Variants in WASF3 observed in about 807,000 individuals in gnomAD.
WASF3 encodes the protein actin-binding protein WASF3.
In WASF3, 11 loss-of-function variants were observed where a neutral mutation model predicts 46.6. That is an observed-to-expected ratio of 0.24 (90% CI 0.15 to 0.39). The LOEUF (loss-of-function observed/expected upper bound fraction) is 0.39, where lower values mean the gene tolerates loss of function less well. Ranked by LOEUF, WASF3 falls within the 10% of genes least tolerant of loss-of-function variation. The probability of loss-of-function intolerance (pLI) is 1.00; values close to 1 mark genes in which losing one functional copy is unlikely to be tolerated. For synonymous variants in WASF3, 242 were observed against 259.7 expected (o/e 0.93, Z 0.65); for missense variants, 576 against 669.8 (o/e 0.86, Z 1.55).
chr13:26,579,513 T>C (rs1879914850), intron 1 of WASF3, among the ~76,000 whole-genome samples: 1 of 152,156 alleles, frequency 6.6e-6, no homozygotes, highest in Non-Finnish European at 1.5e-5. Flanking sequence ...TGGCATTCTT[T>C]TACTGAAAAG....
intron 3 of WASF3, among the ~76,000 whole-genome samples, chr13:26,664,240 A>G (rs1263339286): frequency 6.6e-6 from 1 of 152,228 alleles, no homozygotes; most frequent in East Asian, 1.9e-4. Context: ...GAAAATAAAA[A>G]GAAGTGGTAG....
chr13:26,607,892 T>A (rs1880849786), intron 1 of WASF3, among the ~76,000 whole-genome samples: 1 of 152,156 alleles, frequency 6.6e-6, no homozygotes, highest in South Asian at 2.1e-4. Flanking sequence ...TACCTAGGCC[T>A]CTCAAAATGC....
intron 3 of WASF3, among the ~76,000 whole-genome samples, 195 bp from the exon 4 acceptor site, chr13:26,664,833 A>G (rs945424684): frequency 6.6e-6 from 1 of 152,272 alleles, no homozygotes; most frequent in Admixed American, 6.5e-5. Context: ...TACAACATTG[A>G]GTCAGTTTCA....
At chr13:26,683,175 A>G (rs1002098183) in intron 9 of WASF3, among the ~76,000 whole-genome samples, 2 of 152,198 alleles carry the variant, frequency 1.3e-5, no homozygotes, top group Non-Finnish European at 2.9e-5. Context: ...AAATTGTGAT[A>G]AAGATTGGGA....
At chr13:26,634,385 C>T (rs1190337452) in intron 2 of WASF3, among the ~76,000 whole-genome samples, 3 of 152,186 alleles carry the variant, frequency 2.0e-5, no homozygotes, top group Non-Finnish European at 2.9e-5. Context: ...TGTGTCTCTG[C>T]ACGTGAGATG....
At chr13:26,603,074 A>C (rs1449054604) in intron 1 of WASF3, among the ~76,000 whole-genome samples, 3 of 152,194 alleles carry the variant, frequency 2.0e-5, no homozygotes, top group African/African-American at 7.2e-5. Context: ...GGGAGGTAAG[A>C]GTAACTGCTG....
intron 2 of WASF3, among the ~76,000 whole-genome samples, chr13:26,625,905 A>G (rs1319330977): frequency 6.6e-6 from 1 of 152,346 alleles, no homozygotes; most frequent in Non-Finnish European, 1.5e-5. Flanking sequence ...AAAAACGTAA[A>G]AAGAATAAAA....
chr13:26,617,828 G>C (rs898638902), intron 2 of WASF3, among the ~76,000 whole-genome samples: 1 of 152,060 alleles, frequency 6.6e-6, no homozygotes, highest in African/African-American at 2.4e-5. Context: ...TTGAATCATG[G>C]GGGCAGTCTC....
the WASF3 span, among the ~76,000 whole-genome samples, chr13:26,540,085 G>T: frequency 6.6e-6 from 1 of 152,132 alleles, no homozygotes; most frequent in African/African-American, 2.4e-5. Context: ...CAGACAGGAA[G>T]ATCCTAAGCC....
intron 1 of WASF3, among the ~76,000 whole-genome samples, chr13:26,564,452 T>C (rs1325144056): frequency 6.6e-6 from 1 of 152,264 alleles, no homozygotes; most frequent in East Asian, 1.9e-4. Flanking sequence ...CTTGGAATGC[T>C]TGTTTTCTAG....
chr13:26,628,450 G>A (rs956850352), intron 2 of WASF3, among the ~76,000 whole-genome samples: 4 of 152,166 alleles, frequency 2.6e-5, no homozygotes, highest in South Asian at 4.1e-4. Flanking sequence ...CAGAGAATTA[G>A]CACAGCAAGT....
At chr13:26,599,607 G>C (rs1356339122) in intron 1 of WASF3, among the ~76,000 whole-genome samples, 1 of 152,138 alleles carries the variant, frequency 6.6e-6, no homozygotes, top group Non-Finnish European at 1.5e-5. Flanking sequence ...TATCATTTCA[G>C]CTCACATGGA....
chr13:26,611,668 G>T (rs538557722), intron 1 of WASF3, among the ~76,000 whole-genome samples: 2 of 152,232 alleles, frequency 1.3e-5, no homozygotes, highest in East Asian at 3.9e-4. Context: ...GAAATAAGGT[G>T]ATCACTTATG....
At chr13:26,600,070 A>G (rs1361564553) in intron 1 of WASF3, among the ~76,000 whole-genome samples, 1 of 152,234 alleles carries the variant, frequency 6.6e-6, no homozygotes, top group African/African-American at 2.4e-5. Flanking sequence ...ATGATGCAGA[A>G]GTACAAAGTA....
chr13:26,578,117 CCTT>C (rs1223008413), intron 1 of WASF3, among the ~76,000 whole-genome samples: 1 of 152,102 alleles, frequency 6.6e-6, no homozygotes, highest in Non-Finnish European at 1.5e-5. Flanking sequence ...TCCTTTCCCC[CCTT>C]CTTTTCTTTC....
chr13:26,557,897 CG>C, intron 1 of WASF3, 78 bp downstream of exon 1: 5 of 286,726 alleles, frequency 1.7e-5, no homozygotes, highest in East Asian at 5.7e-5. Context: ...GGGCGGCTGT[CG>C]GGGGAGGGGC....
chr13:26,577,567 C>G, intron 1 of WASF3: 2 of 1,161,438 alleles, frequency 1.7e-6, no homozygotes, highest in Non-Finnish European at 2.6e-6. Context: ...TGGGAAAACT[C>G]ATGGAGCTTC....
intron 7 of WASF3, among the ~76,000 whole-genome samples, chr13:26,678,785 T>C (rs914414393): frequency 6.6e-6 from 1 of 152,186 alleles, no homozygotes; most frequent in Non-Finnish European, 1.5e-5. Flanking sequence ...CACACCTCCA[T>C]GCCCAATTGT....
chr13:26,554,081 T>TTTCTTTCTTTCTC (rs1879034715), upstream of WASF3, among the ~76,000 whole-genome samples: 1 of 114,834 alleles, frequency 8.7e-6, no homozygotes, highest in East Asian at 2.6e-4. Context: ...CCTTCCTTCC[T>TTTCTTTCTTTCTC]TCCTTCCTTC....
Sources: gnomAD v4.1 joint callset for allele counts (sites outside exome capture counted in the v4.1 genomes callset) on GRCh38, gnomAD v4.1.1 for gene constraint, MANE v1.5 for transcripts, NCBI Gene and HGNC (gene_info 2026-07-23, HGNC 2026-07-21) for gene names.